The following TTC28 variants were observed in gnomAD, a reference collection of about 807,000 sequenced individuals.
TTC28 encodes the protein tetratricopeptide repeat domain 28, also known as tetratricopeptide repeat protein 28.
A neutral mutation model predicts 198.0 loss-of-function variants in TTC28; 61 were observed. The observed-to-expected ratio is 0.31, with a 90% CI of 0.25 to 0.38. The LOEUF is 0.38. TTC28 is among the 10% of genes least tolerant of loss of function. TTC28 has a pLI of 1.00. For missense variants in TTC28, 2,678 were observed against 3,164.0 expected, an observed-to-expected ratio of 0.85 and a Z score of 3.69; for synonymous variants, 1,171 against 1,297.8, an observed-to-expected ratio of 0.90 and a Z score of 2.10.
intron 6 of TTC28, among the ~76,000 whole-genome samples, chr22:28,109,176 T>C (rs1942412710): frequency 6.6e-6 from 1 of 152,204 alleles, no homozygotes; most frequent in Non-Finnish European, 1.5e-5. Context: ...CACCATAAAC[T>C]ACTGGAAAAT....
intron 2 of TTC28, among the ~76,000 whole-genome samples, chr22:28,619,669 G>C (rs1028782388): frequency 3.9e-5 from 6 of 152,316 alleles, no homozygotes; most frequent in South Asian, 2.1e-4. Flanking sequence ...AAAAATTTCT[G>C]CATCAAAATG....
At chr22:27,993,022 G>A (rs961711947) in intron 18 of TTC28, 10 of 567,684 alleles carry the variant, frequency 1.8e-5, no homozygotes, top group Non-Finnish European at 2.5e-5. Flanking sequence ...AGTGTCTGCC[G>A]GCACGACCTC....
chr22:28,265,602 C>G (rs1234914457), intron 5 of TTC28, among the ~76,000 whole-genome samples: 1 of 152,114 alleles, frequency 6.6e-6, no homozygotes, highest in African/African-American at 2.4e-5. Flanking sequence ...CCAGCAGCAA[C>G]TATTCAAAAA....
chr22:28,206,959 G>A (rs1033474708), intron 5 of TTC28, among the ~76,000 whole-genome samples: 2 of 152,104 alleles, frequency 1.3e-5, no homozygotes, highest in South Asian at 2.1e-4. Flanking sequence ...AAACTCGAAG[G>A]ACAAGAGAGA....
chr22:28,092,477 C>T (rs1941844156), intron 12 of TTC28, among the ~76,000 whole-genome samples: 1 of 152,134 alleles, frequency 6.6e-6, no homozygotes, highest in South Asian at 2.1e-4. Context: ...ACCTTGTGTC[C>T]CTAAACCAAG....
chr22:28,622,118 C>G (rs1393405017), intron 2 of TTC28, among the ~76,000 whole-genome samples: 1 of 152,128 alleles, frequency 6.6e-6, no homozygotes, highest in Admixed American at 6.5e-5. Flanking sequence ...TCCCCATTTT[C>G]AAGGTGCAAG....
chr22:28,214,424 C>G (rs1927205082), intron 5 of TTC28, among the ~76,000 whole-genome samples: 1 of 152,148 alleles, frequency 6.6e-6, no homozygotes, highest in African/African-American at 2.4e-5. Context: ...AGAACTTAAA[C>G]AAATTTCCAA....
chr22:28,160,789 T>C (rs1230214204), intron 6 of TTC28, among the ~76,000 whole-genome samples: 1 of 152,228 alleles, frequency 6.6e-6, no homozygotes, highest in Non-Finnish European at 1.5e-5. Flanking sequence ...CATTTTTATA[T>C]GTTAAGAATT....
At chr22:28,612,957 G>A (rs1196778141) in intron 2 of TTC28, among the ~76,000 whole-genome samples, 1 of 152,012 alleles carries the variant, frequency 6.6e-6, no homozygotes, top group Non-Finnish European at 1.5e-5. Flanking sequence ...TCAAAAACTA[G>A]CAGAAGACAA....
intron 5 of TTC28, among the ~76,000 whole-genome samples, chr22:28,234,187 T>A (rs962665892): frequency 3.3e-5 from 5 of 152,186 alleles, no homozygotes; most frequent in African/African-American, 1.2e-4. Context: ...ATTACAGGCA[T>A]GAGCCACCGC....
At chr22:28,118,879 A>G (rs998416757) in intron 6 of TTC28, among the ~76,000 whole-genome samples, 6 of 152,188 alleles carry the variant, frequency 3.9e-5, no homozygotes, top group Admixed American at 3.3e-4. Flanking sequence ...TTATATCATC[A>G]TTTGATATTA....
intron 2 of TTC28, among the ~76,000 whole-genome samples, chr22:28,613,958 A>T (rs2050861047): frequency 6.6e-6 from 1 of 152,230 alleles, no homozygotes; most frequent in Non-Finnish European, 1.5e-5. Flanking sequence ...ATCAGGCAAG[A>T]GAAAGAAATA....
intron 6 of TTC28, among the ~76,000 whole-genome samples, chr22:28,139,578 C>T (rs1045036165): frequency 2.0e-5 from 3 of 152,072 alleles, no homozygotes; most frequent in African/African-American, 7.2e-5. Flanking sequence ...AAACTTGATA[C>T]CAGGAAGGAA....
chr22:28,653,253 C>A (rs1325566658), intron 1 of TTC28, among the ~76,000 whole-genome samples: 1 of 152,162 alleles, frequency 6.6e-6, no homozygotes, highest in East Asian at 1.9e-4. Context: ...CCTGTAATCC[C>A]AGCACTTTGG....
At chr22:28,490,625 T>A (rs997361530) in intron 2 of TTC28, among the ~76,000 whole-genome samples, 3 of 152,160 alleles carry the variant, frequency 2.0e-5, no homozygotes, top group African/African-American at 7.2e-5. Flanking sequence ...AACAAATAAA[T>A]GCTGAACTGA....
chr22:28,546,227 A>G (rs574965241), intron 2 of TTC28, among the ~76,000 whole-genome samples: 1 of 152,326 alleles, frequency 6.6e-6, no homozygotes, highest in South Asian at 2.1e-4. Flanking sequence ...GTGGTGGCTC[A>G]TGCCTATAAT....
intron 2 of TTC28, among the ~76,000 whole-genome samples, chr22:28,333,071 A>G (rs2145878793): frequency 6.6e-6 from 1 of 152,246 alleles, no homozygotes; most frequent in South Asian, 2.1e-4. Flanking sequence ...ACAGATCAAA[A>G]GAGGTACTTC....
intron 2 of TTC28, among the ~76,000 whole-genome samples, chr22:28,538,351 G>A (rs1302619049): frequency 6.6e-6 from 1 of 151,956 alleles, no homozygotes; most frequent in African/African-American, 2.4e-5. Flanking sequence ...GCCTCCCAAA[G>A]TGCTGGGATT....
chr22:28,600,938 T>C (rs2146118656), intron 2 of TTC28, among the ~76,000 whole-genome samples: 1 of 152,304 alleles, frequency 6.6e-6, no homozygotes, highest in Non-Finnish European at 1.5e-5. Flanking sequence ...ATATCTAAAA[T>C]TCCGTGTCTA....
Sources: gnomAD v4.1 joint callset for allele counts (sites outside exome capture counted in the v4.1 genomes callset) on GRCh38, gnomAD v4.1.1 for gene constraint, MANE v1.5 for transcripts, NCBI Gene and HGNC (gene_info 2026-07-23, HGNC 2026-07-21) for gene names.